Variants in NDST4 observed in about 807,000 individuals in gnomAD.
NDST4 encodes N-deacetylase and N-sulfotransferase 4, also known as N-heparan sulfate sulfotransferase 4.
Under a neutral mutation model 100.8 loss-of-function variants are expected in NDST4, and 63 were observed. The ratio of observed to expected loss-of-function variants is 0.62; its 90% CI spans 0.51 to 0.77. The LOEUF is 0.77. NDST4 is among the 30% of genes least tolerant of loss of function. The probability of loss-of-function intolerance (pLI) is 0.00; values close to 1 mark genes in which losing one functional copy is unlikely to be tolerated. For synonymous variants in NDST4, 377 were observed against 361.8 expected (o/e 1.04, Z -0.48); for missense variants, 943 against 1,018.4 (o/e 0.93, Z 1.01).
At chr4:115,057,877 T>G (rs1728737342) in intron 2 of NDST4, among the ~76,000 whole-genome samples, 2 of 152,122 alleles carry the variant, frequency 1.3e-5, no homozygotes, top group South Asian at 4.1e-4. Flanking sequence ...ATACTATGTG[T>G]GCATGATATT....
intron 2 of NDST4, among the ~76,000 whole-genome samples, chr4:115,065,177 C>T (rs779915172): frequency 6.6e-6 from 1 of 152,058 alleles, no homozygotes; most frequent in Non-Finnish European, 1.5e-5. Context: ...CTGTTTACCA[C>T]CAAGATGGGC....
chr4:114,988,352 C>CTTTTTTTTTTTTTTTTTTTTTT (rs991019823), intron 2 of NDST4, among the ~76,000 whole-genome samples: 1 of 64,196 alleles, frequency 1.6e-5, no homozygotes, highest in Non-Finnish European at 2.8e-5. Context: ...ATACACATAT[C>CTTTTTTTTTTTTTTTTTTTTTT]TTTTTTTTTT....
chr4:114,966,764 A>C (rs1726391776), intron 4 of NDST4, among the ~76,000 whole-genome samples: 1 of 152,124 alleles, frequency 6.6e-6, no homozygotes, highest in Non-Finnish European at 1.5e-5. Flanking sequence ...TGTTCATTCC[A>C]AATTTGTGGA....
At chr4:115,027,978 A>C (rs1349353818) in intron 2 of NDST4, among the ~76,000 whole-genome samples, 1 of 151,988 alleles carries the variant, frequency 6.6e-6, no homozygotes, top group Non-Finnish European at 1.5e-5. Context: ...TCTTGAACCC[A>C]GCAGGTGGAG....
At chr4:114,939,059 A>G (rs2126226941) in intron 4 of NDST4, among the ~76,000 whole-genome samples, 1 of 152,330 alleles carries the variant, frequency 6.6e-6, no homozygotes, top group East Asian at 1.9e-4. Flanking sequence ...CAGAGAGGAC[A>G]GGCAACAGTT....
intron 2 of NDST4, among the ~76,000 whole-genome samples, chr4:115,015,139 C>T (rs1727647126): frequency 6.6e-6 from 1 of 152,050 alleles, no homozygotes; most frequent in African/African-American, 2.4e-5. Flanking sequence ...GGCCCAAATG[C>T]CCACTGGCGT....
intron 2 of NDST4, among the ~76,000 whole-genome samples, chr4:115,050,114 T>C (rs552326007): frequency 6.6e-6 from 1 of 152,228 alleles, no homozygotes; most frequent in South Asian, 2.1e-4. Context: ...CCAATCCCCA[T>C]ACAGTTTAAA....
chr4:114,844,486 G>A (rs1434161778), intron 10 of NDST4, among the ~76,000 whole-genome samples: 3 of 152,072 alleles, frequency 2.0e-5, no homozygotes, highest in Admixed American at 1.3e-4. Context: ...TATCCAATGC[G>A]TTTAACATAT....
At chr4:114,844,999 A>G (rs1723512678) in intron 10 of NDST4, among the ~76,000 whole-genome samples, 1 of 152,112 alleles carries the variant, frequency 6.6e-6, no homozygotes, top group Non-Finnish European at 1.5e-5. Flanking sequence ...CTTTCTTGCC[A>G]GCAGAGAAAA....
chr4:115,010,626 T>G lies in NDST4; in HGVS notation c.979-33352A>C, dbSNP rs1727522153. On this transcript the variant is annotated intron_variant, in intron 2 of 13. Coordinates refer to ENST00000264363, the MANE Select transcript of NDST4 (RefSeq NM_022569.3). ...GTGTGCAGCACACCAGCATGGCACA[T>G]GTATACATATGTAACTAACCTGCAC... 4.0e-5 allele frequency among the ~76,000 whole-genome samples: 3 copies of G among 75,596 alleles called. 1 individual carries two copies. The highest frequency in any genetic ancestry group is 1.4e-4 in the Admixed American group (1 of 7,394). 49.6% of individuals were successfully genotyped at this position (75,596 alleles called of 152,430 possible). A position where few individuals can be genotyped will look rare whatever the true frequency, so the allele number is the denominator to read the frequency against.
intron 2 of NDST4, among the ~76,000 whole-genome samples, chr4:115,031,475 A>G (rs961603198): frequency 1.3e-5 from 2 of 152,018 alleles, no homozygotes; most frequent in African/African-American, 4.8e-5. Flanking sequence ...GGTGTAGAGT[A>G]CTGCCTGACC....
chr4:115,102,066 C>G (rs899753239), intron 1 of NDST4, among the ~76,000 whole-genome samples: 16 of 152,056 alleles, frequency 1.1e-4, no homozygotes, highest in African/African-American at 3.6e-4. Context: ...ATTTTCTGTA[C>G]TTTTCTGTAC....
chr4:115,093,718 A>T (rs1445640181), intron 1 of NDST4, among the ~76,000 whole-genome samples: 1 of 152,142 alleles, frequency 6.6e-6, no homozygotes, highest in Non-Finnish European at 1.5e-5. Context: ...CAAAATAACT[A>T]GAAAATGCTC....
chr4:114,836,831 C>T (rs1403753774), intron 11 of NDST4, among the ~76,000 whole-genome samples: 1 of 152,086 alleles, frequency 6.6e-6, no homozygotes. Flanking sequence ...ATTCTTTGTT[C>T]TCTAATCTTG....
intron 2 of NDST4, among the ~76,000 whole-genome samples, chr4:114,988,713 C>A (rs1372609301): frequency 2.0e-5 from 3 of 152,108 alleles, no homozygotes; most frequent in African/African-American, 7.2e-5. Flanking sequence ...GGCTGAATAT[C>A]AAATTATGAG....
intron 6 of NDST4, chr4:114,935,001 C>A: frequency 3.7e-6 from 1 of 266,782 alleles, no homozygotes; most frequent in African/African-American, 2.2e-5. Flanking sequence ...AAGTAAAAAC[C>A]ATGACTTTGT....
chr4:115,106,952 C>G (rs1047907026), intron 1 of NDST4, among the ~76,000 whole-genome samples: 2 of 151,570 alleles, frequency 1.3e-5, no homozygotes, highest in Non-Finnish European at 2.9e-5. Flanking sequence ...GCCAGGAAAT[C>G]GAGGCCAGCG....
At chr4:114,910,360 C>G (rs1001828702) in intron 6 of NDST4, among the ~76,000 whole-genome samples, 16 of 152,036 alleles carry the variant, frequency 1.1e-4, no homozygotes, top group African/African-American at 3.6e-4. Flanking sequence ...GAAAAAAGAG[C>G]CTTAAAACAT....
intron 2 of NDST4, among the ~76,000 whole-genome samples, chr4:115,063,828 ACTT>A (rs1037291810): frequency 3.3e-5 from 5 of 150,214 alleles, no homozygotes; most frequent in Non-Finnish European, 7.4e-5. Flanking sequence ...CTTACCAAAT[ACTT>A]CTTAATACTT....
Sources: allele counts gnomAD v4.1 joint callset (sites outside exome capture counted in the v4.1 genomes callset), GRCh38; gene constraint gnomAD v4.1.1; transcripts MANE v1.5; gene names NCBI Gene and HGNC (gene_info 2026-07-23, HGNC 2026-07-21).